The following SHOC2 variants were observed in gnomAD, a reference collection of about 807,000 sequenced individuals.
SHOC2 encodes leucine-rich repeat protein SHOC-2.
A neutral mutation model predicts 50.2 loss-of-function variants in SHOC2; 4 were observed. That is an observed-to-expected ratio of 0.08 (90% confidence interval 0.04 to 0.18). SHOC2 has a LOEUF of 0.18. Among genes scored for constraint, SHOC2 ranks in the 10% least tolerant of loss-of-function variants. The pLI, the probability that SHOC2 is intolerant of heterozygous loss-of-function variation, is 1.00. For synonymous variants in SHOC2, 218 were observed against 244.5 expected (o/e 0.89, Z 1.01); for missense variants, 388 against 669.6 (o/e 0.58, Z 4.64).
rs1554862836 is a variant in SHOC2 at position 111,004,593 on chromosome 10, A to T, written c.973-13A>T. The T allele has an allele frequency of 6.3e-7, 1 of 1,580,238 alleles. No homozygotes were observed. Among genetic ancestry groups the T allele is most frequent in the South Asian group, 1.1e-5 (1 of 90,328 alleles). ...CAGTTCTAATTCTTATGTTTATTTC[A>T]TTTTTTTTACAGAGTCTTTTATCAA... On this transcript the variant is annotated splice_polypyrimidine_tract_variant and intron_variant, in intron 4 of 8. Transcript: ENST00000369452.
At chr10:110,920,040 A>C (rs542917723) in intron 1 of SHOC2, 67 of 149,288 alleles carry the variant, frequency 4.5e-4, no homozygotes, top group African/African-American at 1.5e-3. Context: ...CCCCCGGCGG[A>C]CAGTCTCTCT....
intron 1 of SHOC2, among the ~76,000 whole-genome samples, chr10:110,956,516 A>T (rs541232435): frequency 6.6e-6 from 1 of 152,282 alleles, no homozygotes; most frequent in East Asian, 1.9e-4. Flanking sequence ...TGCTTTGCCT[A>T]ATGTCCTGTG....
intron 1 of SHOC2, among the ~76,000 whole-genome samples, chr10:110,940,921 T>G (rs1309153574): frequency 0.015 from 15 of 990 alleles, 1 homozygote; most frequent in Middle Eastern, 0.5. Context: ...TTTTTTTTTT[T>G]TTTTTTTTTT....
rs775504882 is a variant in SHOC2, at chr10:110,962,460, A to G, written c.-234-1665A>G. ...GTCTCTCTCCATCGCAGTGCAAAAT[A>G]ATTTTTTTCTTTTTTTTTGAAAGGG... On this transcript the variant is annotated intron_variant, in intron 1 of 8. Coordinates refer to ENST00000369452, the MANE Select transcript of SHOC2 (RefSeq NM_007373.4). 5.9e-5 allele frequency among the ~76,000 whole-genome samples: 9 copies of G among 152,136 alleles called. No homozygotes were observed. In the East Asian group the frequency reaches 9.6e-4, roughly 16 times the overall value.
chr10:111,001,058 ATCT>A (rs1001586240), intron 4 of SHOC2, among the ~76,000 whole-genome samples: 1 of 70,732 alleles, frequency 1.4e-5, no homozygotes, highest in African/African-American at 4.0e-5. Context: ...AATCGCCAGA[ATCT>A]TTTTTTTTTT....
At chr10:111,010,631 T>G (rs532315521) in intron 8 of SHOC2, among the ~76,000 whole-genome samples, 1 of 152,122 alleles carries the variant, frequency 6.6e-6, no homozygotes, top group Non-Finnish European at 1.5e-5. Flanking sequence ...TGTATACATA[T>G]GTAACAAACC....
chr10:110,954,745 G>C (rs1347244426), intron 1 of SHOC2, among the ~76,000 whole-genome samples: 1 of 152,178 alleles, frequency 6.6e-6, no homozygotes. Context: ...GTCAGAGAAG[G>C]CTTTATTTAA....
chr10:110,950,773 C>A (rs1396654918), intron 1 of SHOC2, among the ~76,000 whole-genome samples: 1 of 152,086 alleles, frequency 6.6e-6, no homozygotes, highest in Non-Finnish European at 1.5e-5. Context: ...GTGATCGTTT[C>A]TTCAATAAAT....
chr10:110,985,105 A>G (rs1299481572), intron 2 of SHOC2, among the ~76,000 whole-genome samples: 5 of 152,208 alleles, frequency 3.3e-5, no homozygotes, highest in African/African-American at 1.2e-4. Context: ...AAAATTCACA[A>G]TTATCAAAGT....
At position 111,009,394 on chromosome 10, in the gene SHOC2, T is replaced by C; in HGVS notation, c.1422+9T>C. 1 of 1,602,948 alleles carries C rather than the reference T, an allele frequency of 6.2e-7. No individual in the cohort carries two copies. ...ATCTTAAGGATTTACAGGTAAACAT[T>C]ATGCTGATTTTGTAGTTTTATAAAG... On this transcript the variant is annotated intron_variant, in intron 7 of 8. Transcript: ENST00000369452.
chr10:110,960,899 A>G (rs755953821), intron 1 of SHOC2, among the ~76,000 whole-genome samples: 1 of 151,884 alleles, frequency 6.6e-6, no homozygotes, highest in Non-Finnish European at 1.5e-5. Flanking sequence ...CTGGTCTCGA[A>G]CTCCTGACCT....
chr10:110,971,823 A>C (rs1847788269), intron 2 of SHOC2, among the ~76,000 whole-genome samples: 1 of 152,114 alleles, frequency 6.6e-6, no homozygotes, highest in Non-Finnish European at 1.5e-5. Flanking sequence ...ACATTTATTG[A>C]AAGCAAAATC....
At chr10:110,956,027 C>T (rs1299712089) in intron 1 of SHOC2, among the ~76,000 whole-genome samples, 4 of 152,084 alleles carry the variant, frequency 2.6e-5, no homozygotes, top group Admixed American at 2.0e-4. Context: ...TTACATGGGT[C>T]ACACAACCCA....
intron 6 of SHOC2, 126 bp downstream of exon 6, chr10:111,007,779 T>C: frequency 1.1e-6 from 1 of 934,312 alleles, no homozygotes; most frequent in Non-Finnish European, 1.7e-6. Context: ...AGAACTCACT[T>C]AAACATACAA....
intron 1 of SHOC2, among the ~76,000 whole-genome samples, chr10:110,942,343 ATTTTGT>A (rs1260806196): frequency 6.6e-6 from 1 of 151,882 alleles, no homozygotes; most frequent in Non-Finnish European, 1.5e-5. Context: ...ATATTCTGTT[ATTTTGT>A]TTTTGTTTTT....
chr10:110,936,997 G>T, intron 1 of SHOC2: 1 of 1,476,186 alleles, frequency 6.8e-7, no homozygotes. Flanking sequence ...TCAGCCAGAA[G>T]ATGGGGCTGG....
chr10:110,966,186 CTT>C (rs1423222331), intron 2 of SHOC2, among the ~76,000 whole-genome samples: 3 of 151,938 alleles, frequency 2.0e-5, no homozygotes, highest in African/African-American at 4.8e-5. Flanking sequence ...ACATTTAACT[CTT>C]AACTAGACAA....
At chr10:110,935,643 T>G (rs1329375816) in intron 1 of SHOC2, among the ~76,000 whole-genome samples, 1 of 152,232 alleles carries the variant, frequency 6.6e-6, no homozygotes, top group East Asian at 1.9e-4. Flanking sequence ...ATGAGACTTT[T>G]TTTTCAATGA....
rs904557581 is a variant in SHOC2, at chr10:110,964,884, T to C, written c.526T>C (p.Leu176=). The C allele has an allele frequency of 6.2e-7, 1 of 1,614,046 alleles. No individual in the cohort carries two copies. Among genetic ancestry groups the C allele is most frequent in the East Asian group, 2.2e-5 (1 of 44,884 alleles). ...DNLKKLRMLD[L]RHNKLREIPS... ...CTTGAAGAAGCTGCGGATGCTTGAT[T>C]TACGGCATAATAAACTGAGAGAAAT... Residue 176 remains leucine (L), a synonymous_variant, in exon 2 of 9, where the codon TTA becomes CTA. Transcript: ENST00000369452. This position sits in a 1 kb window ranked among gnomAD's most constrained non-coding sequence, Gnocchi z 4.9.
Sources: gnomAD v4.1 joint callset for allele counts (sites outside exome capture counted in the v4.1 genomes callset) on GRCh38, gnomAD v4.1.1 for gene constraint, Gnocchi (gnomAD v3.1) non-coding constraint, MANE v1.5 for transcripts, NCBI Gene and HGNC (gene_info 2026-07-23, HGNC 2026-07-21) for gene names.